The following STARD13 variants were observed in gnomAD, a reference collection of about 807,000 sequenced individuals.
The protein encoded by STARD13 is stAR-related lipid transfer protein 13.
STARD13 carries 62 observed loss-of-function variants against 106.4 expected under a neutral mutation model. The ratio of observed to expected loss-of-function variants is 0.58; its 90% CI spans 0.48 to 0.72. The LOEUF (loss-of-function observed/expected upper bound fraction) is 0.72. Ranked by LOEUF, STARD13 falls within the 30% of genes least tolerant of loss-of-function variation. The probability of loss-of-function intolerance (pLI) is 0.00; values close to 1 mark genes in which losing one functional copy is unlikely to be tolerated. For missense variants in STARD13, 1,387 were observed against 1,424.0 expected (o/e 0.97, Z 0.42); for synonymous variants, 565 against 553.0 (o/e 1.02, Z -0.31).
At chr13:33,230,737 C>T (rs774354158) in intron 1 of STARD13, among the ~76,000 whole-genome samples, 4 of 152,204 alleles carry the variant, frequency 2.6e-5, no homozygotes, top group African/African-American at 7.2e-5. Context: ...CACGTAAGGT[C>T]GGTCTTTACT....
At chr13:33,209,459 C>CTCTCTTT (rs566293356) in intron 1 of STARD13, among the ~76,000 whole-genome samples, 1 of 149,022 alleles carries the variant, frequency 6.7e-6, no homozygotes, top group Non-Finnish European at 1.5e-5. Flanking sequence ...CTCTCTCTCT[C>CTCTCTTT]TTTTTTTTTT....
At chr13:33,488,421 A>G in the STARD13 span, among the ~76,000 whole-genome samples, 1 of 152,324 alleles carries the variant, frequency 6.6e-6, no homozygotes, top group Non-Finnish European at 1.5e-5. Flanking sequence ...TTCTGTGTCA[A>G]TCACAAATAA....
At chr13:33,111,571 A>G (rs946242893) in intron 10 of STARD13, among the ~76,000 whole-genome samples, 6 of 152,250 alleles carry the variant, frequency 3.9e-5, no homozygotes, top group African/African-American at 1.2e-4. Flanking sequence ...AACCATCAGT[A>G]TGGTAATCCC....
chr13:33,541,315 A>G, the STARD13 span, among the ~76,000 whole-genome samples: 1 of 152,190 alleles, frequency 6.6e-6, no homozygotes, highest in Non-Finnish European at 1.5e-5. Flanking sequence ...TTGAAGACCT[A>G]TTACAGCTTC....
the STARD13 span, among the ~76,000 whole-genome samples, chr13:33,567,059 A>C: frequency 8.1e-5 from 12 of 148,066 alleles, 2 homozygotes; most frequent in African/African-American, 3.0e-4. Flanking sequence ...CCAACTCATC[A>C]GCCTTTCTCC....
chr13:33,464,560 T>G, the STARD13 span, among the ~76,000 whole-genome samples: 1 of 152,066 alleles, frequency 6.6e-6, no homozygotes, highest in Non-Finnish European at 1.5e-5. Flanking sequence ...GTTTAAAAAA[T>G]GTATTGAGGC....
chr13:33,127,154 C>T (rs547139643), intron 6 of STARD13, among the ~76,000 whole-genome samples: 2 of 152,344 alleles, frequency 1.3e-5, no homozygotes, highest in South Asian at 2.1e-4. Context: ...GCCTGACTGC[C>T]TTCCCTGGAA....
rs1192806352 is a variant in STARD13 at position 33,104,158 on chromosome 13, C to A, written c.*1435G>T. On this transcript the variant is annotated 3_prime_UTR_variant, in exon 14 of 14. Coordinates refer to ENST00000336934, the MANE Select transcript of STARD13 (RefSeq NM_178006.4). ...TCTTATCAATCTCTATTATGGATGA[C>A]CAAAGAAAATCTCTCTCCCTGAAAT... The A allele has an allele frequency of 6.6e-6, 1 of 152,172 alleles. No individual in the cohort carries two copies. The highest frequency in any genetic ancestry group is 2.4e-5 in the African/African-American group (1 of 41,426). 9.4% of individuals were successfully genotyped at this position (152,172 alleles called of 1,614,324 possible). A position where few individuals can be genotyped will look rare whatever the true frequency, so the allele number is the denominator to read the frequency against.
chr13:33,560,421 A>G, the STARD13 span, among the ~76,000 whole-genome samples: 2 of 151,500 alleles, frequency 1.3e-5, no homozygotes, highest in East Asian at 3.9e-4. Flanking sequence ...TTAGTCTTCA[A>G]AATGGGAAAA....
chr13:33,505,858 G>A, the STARD13 span, among the ~76,000 whole-genome samples: 1 of 152,110 alleles, frequency 6.6e-6, no homozygotes, highest in Admixed American at 6.6e-5. Context: ...AGTGTGGTCT[G>A]CAGAGTCCTG....
Position 33,129,530 on chromosome 13 carries a change from G to T in STARD13, c.1147C>A (p.Arg383Ser), listed in dbSNP as rs757092348. The T allele has an allele frequency of 6.2e-7, 1 of 1,614,176 alleles. No individual in the cohort carries two copies. The highest frequency in any genetic ancestry group is 8.5e-7 in the Non-Finnish European group (1 of 1,180,026). The change falls in exon 5 of 14, where the codon CGT becomes AGT. Residue 383 changes from arginine (R) to serine (S), a missense_variant. Arg to Ser is a moderately radical substitution (Grantham distance 110). Transcript: ENST00000336934. ...TCTTGGGAGTGAAATTCATGCATAC[G>T]GCTTTGGTCCCCTGCATCCGGCAGT... ...TALPDAGDQSRMHEFHSQENL... is the reference protein window; with the variant it reads ...TALPDAGDQSSMHEFHSQENL...
chr13:33,192,040 G>A (rs974787876), intron 1 of STARD13, among the ~76,000 whole-genome samples: 1 of 152,234 alleles, frequency 6.6e-6, no homozygotes, highest in Admixed American at 6.5e-5. Context: ...CAGGTTACAG[G>A]AGTCTGTGAG....
rs912025900 is a variant in STARD13 at position 33,103,522 on chromosome 13, C to T, written c.*2071G>A. 16 of 152,594 alleles carry T rather than the reference C, an allele frequency of 1.0e-4. No individual in the cohort carries two copies. Among genetic ancestry groups the T allele is most frequent in the African/African-American group, 3.4e-4 (14 of 41,424 alleles). The allele number at this position is 152,594 out of a possible 1,614,324, so 9.5% of individuals were successfully genotyped here. A position where few individuals can be genotyped will look rare whatever the true frequency, so the allele number is the denominator to read the frequency against. The stretch of plus-strand genomic sequence containing the variant: ...TTCTGTTTTAGGGATCTTCTAGGTC[C>T]TCGTTTCTGAGTGTGGTTTTAGGCC... On this transcript the variant is annotated 3_prime_UTR_variant, in exon 14 of 14. Coordinates refer to ENST00000336934, the MANE Select transcript of STARD13 (RefSeq NM_178006.4).
chr13:33,197,329 C>G (rs1886696070), intron 1 of STARD13, among the ~76,000 whole-genome samples: 1 of 151,878 alleles, frequency 6.6e-6, no homozygotes, highest in Non-Finnish European at 1.5e-5. Flanking sequence ...AAACTCAGTT[C>G]TATAGACAGA....
intron 1 of STARD13, among the ~76,000 whole-genome samples, chr13:33,226,943 C>T (rs1888657338): frequency 6.6e-6 from 1 of 152,166 alleles, no homozygotes. Flanking sequence ...CATTTCTCTC[C>T]ATTAAACATA....
intron 1 of STARD13, among the ~76,000 whole-genome samples, chr13:33,339,366 A>G (rs2077933839): frequency 6.6e-6 from 1 of 152,224 alleles, no homozygotes; most frequent in Admixed American, 6.5e-5. Context: ...AGCTATAGGT[A>G]CCAAAAGTTA....
At chr13:33,374,992 A>AT in the STARD13 span, among the ~76,000 whole-genome samples, 3 of 152,228 alleles carry the variant, frequency 2.0e-5, no homozygotes, top group Non-Finnish European at 4.4e-5. Flanking sequence ...CCATACCTAC[A>AT]AATTAGACTG....
the STARD13 span, among the ~76,000 whole-genome samples, chr13:33,370,597 TC>T: frequency 6.6e-6 from 1 of 151,660 alleles, no homozygotes; most frequent in Non-Finnish European, 1.5e-5. Context: ...TACTTTCTTT[TC>T]TTTTCTTTCT....
the STARD13 span, among the ~76,000 whole-genome samples, chr13:33,644,650 A>G: frequency 6.6e-6 from 1 of 152,144 alleles, no homozygotes; most frequent in East Asian, 1.9e-4. Flanking sequence ...ACAGATTTCT[A>G]CTTCCAGCTG....
Sources: gnomAD v4.1 joint callset for allele counts (sites outside exome capture counted in the v4.1 genomes callset) on GRCh38, gnomAD v4.1.1 for gene constraint, MANE v1.5 for transcripts, NCBI Gene and HGNC (gene_info 2026-07-23, HGNC 2026-07-21) for gene names.